PUS10: variants seen among roughly 807,000 people sequenced by gnomAD.
PUS10 encodes the protein tRNA pseudouridine synthase Pus10.
In PUS10, 59 loss-of-function variants were observed where a neutral mutation model predicts 75.0. The observed-to-expected ratio is 0.79, with a 90% CI of 0.64 to 0.98. PUS10 has a LOEUF of 0.98. PUS10 is among the 50% of genes least tolerant of loss of function. The pLI is 0.00. For synonymous variants in PUS10, 219 were observed against 211.6 expected (o/e 1.03, Z -0.30); for missense variants, 650 against 614.4 (o/e 1.06, Z -0.61).
At chr2:61,013,088 C>A (rs1351107439) in intron 1 of PUS10, among the ~76,000 whole-genome samples, 18 of 150,386 alleles carry the variant, frequency 1.2e-4, no homozygotes, top group African/African-American at 4.2e-4. Flanking sequence ...CCTGTCTCTA[C>A]AAAAAAATTG....
chr2:60,958,636 C>A (rs556830392), intron 11 of PUS10, among the ~76,000 whole-genome samples: 1 of 152,130 alleles, frequency 6.6e-6, no homozygotes, highest in Admixed American at 6.5e-5. Context: ...GTAATCTCAG[C>A]GCTTTGAGAG....
At chr2:60,943,553 A>T (rs1254156612) in intron 17 of PUS10, among the ~76,000 whole-genome samples, 1 of 151,934 alleles carries the variant, frequency 6.6e-6, no homozygotes, top group Admixed American at 6.6e-5. Flanking sequence ...TTTACTGAAA[A>T]TTTTTTCATT....
At chr2:60,956,990 A>G (rs1427643368) in intron 11 of PUS10, among the ~76,000 whole-genome samples, 2 of 150,450 alleles carry the variant, frequency 1.3e-5, no homozygotes, top group Admixed American at 6.6e-5. Context: ...AAAAAAAAAA[A>G]AAAAAAAAAA....
At chr2:60,994,710 A>G (rs1678334842) in intron 4 of PUS10, among the ~76,000 whole-genome samples, 1 of 152,220 alleles carries the variant, frequency 6.6e-6, no homozygotes, top group Non-Finnish European at 1.5e-5. Context: ...CCTTGAAGAT[A>G]CTGGACCATT....
At chr2:60,961,112 G>A (rs1398212677) in intron 10 of PUS10, among the ~76,000 whole-genome samples, 1 of 152,120 alleles carries the variant, frequency 6.6e-6, no homozygotes, top group African/African-American at 2.4e-5. Context: ...ATTTTTTCAA[G>A]TTTGCTTTTA....
chr2:60,970,450 G>A (rs1041637017), intron 5 of PUS10, among the ~76,000 whole-genome samples: 12 of 151,992 alleles, frequency 7.9e-5, no homozygotes, highest in Admixed American at 5.9e-4. Flanking sequence ...CAGTCATATG[G>A]CCCTTTTTTT....
chr2:60,948,284 G>A (rs1675114659), intron 15 of PUS10, 99 bp from the exon 16 acceptor site: 7 of 1,146,572 alleles, frequency 6.1e-6, no homozygotes, highest in East Asian at 2.3e-5. Context: ...CACCACAGAT[G>A]CTTCCTTGAG....
chr2:60,997,665 G>A (rs1273562711), intron 4 of PUS10, among the ~76,000 whole-genome samples: 1 of 150,550 alleles, frequency 6.6e-6, no homozygotes, highest in African/African-American at 2.4e-5. Context: ...ATAAATGGAA[G>A]TTTAGCCTAA....
chr2:61,007,006 A>G (rs1679255026), intron 3 of PUS10, among the ~76,000 whole-genome samples: 1 of 152,200 alleles, frequency 6.6e-6, no homozygotes, highest in African/African-American at 2.4e-5. Flanking sequence ...TACCTTCTAC[A>G]AGGCTGTACC....
At position 61,008,995 on chromosome 2, in the gene PUS10, C is replaced by T. The variant is rs559760965; in HGVS notation, c.147G>A (p.Gln49=). The T allele has an allele frequency of 6.2e-7, 1 of 1,612,560 alleles. No homozygotes were observed. Among genetic ancestry groups the T allele is most frequent in the South Asian group, 1.1e-5 (1 of 90,770 alleles). ...CATCTTTTTCAGTTTCCAGAAATTT[C>T]TGTAGTTCATTGAGCAACTCCTGGA... ...LPYKELLNEL[Q]KFLETEKDEL... is the part of the protein sequence containing the mutation. Residue 49 remains glutamine (Q), a synonymous_variant, in exon 3 of 18, where the codon CAG becomes CAA. Coordinates refer to ENST00000316752, the MANE Select transcript of PUS10 (RefSeq NM_144709.4).
At chr2:60,951,126 A>G (rs1320225834) in intron 15 of PUS10, among the ~76,000 whole-genome samples, 1 of 152,058 alleles carries the variant, frequency 6.6e-6, no homozygotes, top group African/African-American at 2.4e-5. Flanking sequence ...CTGTGTTCAT[A>G]TTTTTCATGA....
chr2:60,965,531 A>G, intron 6 of PUS10, 47 bp from the exon 7 acceptor site: 1 of 1,260,762 alleles, frequency 7.9e-7, no homozygotes, highest in Non-Finnish European at 1.1e-6. Context: ...GGAAACTAAC[A>G]TCTAACAACT....
Position 60,979,707 on chromosome 2 carries a change from G to T in PUS10, c.469-8150C>A, listed in dbSNP as rs572933803. 2.4e-4 allele frequency among the ~76,000 whole-genome samples: 37 copies of T among 152,264 alleles called. No homozygotes were observed. In the Middle Eastern group the frequency reaches 0.014, roughly 56 times the overall value. ...AAATCCTCTTTTCTTTCCCTACATGGTTGAGAAAAAAGAAAATGAAGTGAG... is the reference window on the plus strand; with the variant it reads ...AAATCCTCTTTTCTTTCCCTACATGTTTGAGAAAAAAGAAAATGAAGTGAG... On this transcript the variant is annotated intron_variant, in intron 4 of 17. Coordinates refer to ENST00000316752, the MANE Select transcript of PUS10 (RefSeq NM_144709.4).
intron 4 of PUS10, among the ~76,000 whole-genome samples, chr2:60,996,967 T>C (rs188961496): frequency 6.4e-4 from 97 of 152,304 alleles, no homozygotes; most frequent in African/African-American, 2.2e-3. Flanking sequence ...CACAACCATA[T>C]ACACATTGAT....
intron 1 of PUS10, among the ~76,000 whole-genome samples, chr2:61,014,774 T>G (rs924512953): frequency 6.6e-6 from 1 of 152,206 alleles, no homozygotes; most frequent in Admixed American, 6.5e-5. Flanking sequence ...TGCTTAAAAT[T>G]TGTGGAAGGG....
intron 15 of PUS10, among the ~76,000 whole-genome samples, chr2:60,949,409 T>G (rs959258409): frequency 2.6e-5 from 4 of 152,208 alleles, no homozygotes; most frequent in Non-Finnish European, 4.4e-5. Context: ...CATGAGACAG[T>G]TGGTCAATGG....
chr2:60,967,505 T>A lies in PUS10; in HGVS notation c.612A>T (p.Gly204=), dbSNP rs1276556887. Residue 204 remains glycine (G), a synonymous_variant, in exon 6 of 18, where the codon GGA becomes GGT. Coordinates refer to ENST00000316752, the MANE Select transcript of PUS10 (RefSeq NM_144709.4). ...AACAATGCTGTTGACCCAATACCTTTCCATCAATGGGAACACCCAGTTCCT... is the reference window on the plus strand; with the variant it reads ...AACAATGCTGTTGACCCAATACCTTACCATCAATGGGAACACCCAGTTCCT... The part of the protein sequence containing the change: ...FSEELGVPID[G]KSLFEVSVVF... The A allele has an allele frequency of 6.4e-7, 1 of 1,574,242 alleles. No homozygotes were observed. The highest frequency in any genetic ancestry group is 1.1e-5 in the South Asian group (1 of 87,918).
chr2:60,965,664 GT>G (rs924612141), intron 6 of PUS10, 180 bp from the exon 7 acceptor site: 7,882 of 355,772 alleles, frequency 0.022, 1 homozygote, highest in South Asian at 0.033. Context: ...AAATAGTTTT[GT>G]TTTTTTTTTT....
At position 61,006,658 on chromosome 2, in the gene PUS10, C is replaced by G; in HGVS notation, c.382-15G>C. 3 of 1,590,622 alleles carry G rather than the reference C, an allele frequency of 1.9e-6. No homozygotes were observed. Among genetic ancestry groups the G allele is most frequent in the Non-Finnish European group, 2.6e-6 (3 of 1,164,368 alleles). ...TTTTGGCACACCTGAAAAAGCATTA[C>G]AATTATGTAAATTCCCAGGAATTGC... On this transcript the variant is annotated splice_polypyrimidine_tract_variant and intron_variant, in intron 3 of 17. Coordinates refer to ENST00000316752, the MANE Select transcript of PUS10 (RefSeq NM_144709.4).
Sources: allele counts gnomAD v4.1 joint callset (sites outside exome capture counted in the v4.1 genomes callset), GRCh38; gene constraint gnomAD v4.1.1; transcripts MANE v1.5; gene names NCBI Gene and HGNC (gene_info 2026-07-23, HGNC 2026-07-21).